CHODL: variants seen among roughly 807,000 people sequenced by gnomAD.
CHODL encodes the protein transmembrane protein MT75.
Under a neutral mutation model 34.5 loss-of-function variants are expected in CHODL, and 29 were observed. The ratio of observed to expected loss-of-function variants is 0.84; its 90% CI spans 0.63 to 1.15. CHODL has a LOEUF of 1.15. CHODL is among the 50% of genes most tolerant of loss of function. The probability of loss-of-function intolerance (pLI) is 0.00; values close to 1 mark genes in which losing one functional copy is unlikely to be tolerated. For synonymous variants in CHODL, 125 were observed against 116.1 expected, an observed-to-expected ratio of 1.08 and a Z score of -0.49; for missense variants, 332 against 332.5, an observed-to-expected ratio of 1.00 and a Z score of 0.01.
At chr21:17,964,116 C>G (rs1165400949) in intron 1 of CHODL, among the ~76,000 whole-genome samples, 1 of 152,082 alleles carries the variant, frequency 6.6e-6, no homozygotes, top group African/African-American at 2.4e-5. Flanking sequence ...AACATTCATG[C>G]TTTGAAATTT....
chr21:18,195,647 ATC>A (rs1487432117), intron 2 of CHODL, among the ~76,000 whole-genome samples: 1 of 152,140 alleles, frequency 6.6e-6, no homozygotes, highest in East Asian at 1.9e-4. Context: ...TCTGTATTAT[ATC>A]TGTTTCAATT....
At chr21:18,044,146 G>A (rs1054363032) in intron 2 of CHODL, among the ~76,000 whole-genome samples, 1 of 151,950 alleles carries the variant, frequency 6.6e-6, no homozygotes, top group Non-Finnish European at 1.5e-5. Flanking sequence ...AAATGTGCAC[G>A]TAATCAAGAA....
At chr21:18,235,471 A>T (rs961365017) in intron 2 of CHODL, among the ~76,000 whole-genome samples, 1 of 152,098 alleles carries the variant, frequency 6.6e-6, no homozygotes, top group Non-Finnish European at 1.5e-5. Context: ...GCTGGAGGAG[A>T]CTAAACCTAA....
At chr21:18,145,299 C>T (rs6517797) in intron 2 of CHODL, among the ~76,000 whole-genome samples, 147,936 of 148,040 alleles carry the variant, frequency 1, 73,916 homozygotes, top group Middle Eastern at 1. Flanking sequence ...TAGCCGGGCG[C>T]GGTGGCGGGC....
intron 2 of CHODL, among the ~76,000 whole-genome samples, chr21:18,028,277 C>T (rs1363291963): frequency 1.4e-4 from 14 of 98,998 alleles, no homozygotes; most frequent in South Asian, 8.6e-4. Context: ...TTTCCTTTTC[C>T]CCTTCCTTCC....
intron 2 of CHODL, among the ~76,000 whole-genome samples, chr21:18,087,670 G>T (rs2065024012): frequency 6.6e-6 from 1 of 152,134 alleles, no homozygotes; most frequent in South Asian, 2.1e-4. Flanking sequence ...GACACCTCGA[G>T]GGGCAGGGAT....
chr21:18,056,258 G>A (rs1026174212), intron 2 of CHODL, among the ~76,000 whole-genome samples: 5 of 151,752 alleles, frequency 3.3e-5, no homozygotes, highest in Non-Finnish European at 4.4e-5. Context: ...TTGTGTTGCT[G>A]TTTATCAAGT....
intron 2 of CHODL, among the ~76,000 whole-genome samples, chr21:18,072,841 G>A (rs1415465730): frequency 6.6e-6 from 1 of 151,830 alleles, no homozygotes; most frequent in East Asian, 1.9e-4. Flanking sequence ...CTATAAAAAA[G>A]TTTTCTTTTT....
intron 2 of CHODL, among the ~76,000 whole-genome samples, chr21:18,174,724 C>T (rs1159074448): frequency 6.6e-6 from 1 of 152,092 alleles, no homozygotes; most frequent in East Asian, 1.9e-4. Context: ...CCTGGCAGAG[C>T]TTGTTTGTCA....
At chr21:17,963,718 A>G (rs1030711899) in intron 1 of CHODL, among the ~76,000 whole-genome samples, 2 of 152,268 alleles carry the variant, frequency 1.3e-5, no homozygotes, top group African/African-American at 4.8e-5. Context: ...TTCTGACAAG[A>G]AAACAACCTT....
chr21:17,962,521 G>A (rs1331804000), intron 1 of CHODL, among the ~76,000 whole-genome samples: 1 of 152,130 alleles, frequency 6.6e-6, no homozygotes, highest in African/African-American at 2.4e-5. Context: ...ATGTGTCTGT[G>A]CTGTCTGGGG....
chr21:17,971,964 C>T (rs987767068), intron 1 of CHODL, among the ~76,000 whole-genome samples: 32 of 152,306 alleles, frequency 2.1e-4, no homozygotes, highest in African/African-American at 6.5e-4. Flanking sequence ...TTATCTACCA[C>T]GAACAAGTCG....
chr21:17,958,136 T>A (rs982855832), intron 1 of CHODL, among the ~76,000 whole-genome samples: 2 of 152,182 alleles, frequency 1.3e-5, no homozygotes, highest in Non-Finnish European at 2.9e-5. Flanking sequence ...GTTTCCTTGG[T>A]CAAGATGAAG....
chr21:18,244,524 C>A (rs546627802), upstream of CHODL, among the ~76,000 whole-genome samples: 20 of 152,302 alleles, frequency 1.3e-4, no homozygotes, highest in South Asian at 4.1e-3. Context: ...AACTTGGCAA[C>A]CCCGTAGACA....
chr21:18,200,765 A>G (rs536523498), intron 2 of CHODL, among the ~76,000 whole-genome samples: 1 of 152,300 alleles, frequency 6.6e-6, no homozygotes, highest in South Asian at 2.1e-4. Flanking sequence ...TTAATTAGTT[A>G]AGCATCTTGA....
chr21:17,926,360 CAAAT>C (rs2063222141), intron 1 of CHODL, among the ~76,000 whole-genome samples: 1 of 141,168 alleles, frequency 7.1e-6, no homozygotes. Flanking sequence ...CTGAGGGTAA[CAAAT>C]AAATAAGGTG....
intron 2 of CHODL, among the ~76,000 whole-genome samples, chr21:18,203,170 A>G (rs2073674132): frequency 6.6e-6 from 1 of 152,184 alleles, no homozygotes; most frequent in Non-Finnish European, 1.5e-5. Flanking sequence ...GTTTTGCTTA[A>G]ATCTGAGACG....
At chr21:17,975,692 C>A (rs983740202) in intron 1 of CHODL, among the ~76,000 whole-genome samples, 9 of 152,086 alleles carry the variant, frequency 5.9e-5, no homozygotes, top group Non-Finnish European at 1.0e-4. Context: ...CTGGAAAACT[C>A]CCCTTCCTTC....
chr21:18,014,814 T>TA (rs1332997866), intron 1 of CHODL, among the ~76,000 whole-genome samples: 2 of 152,236 alleles, frequency 1.3e-5, no homozygotes, highest in Admixed American at 6.5e-5. Flanking sequence ...CCTGTAGAAC[T>TA]ATGTGCCAAT....
Sources: allele counts gnomAD v4.1 joint callset (sites outside exome capture counted in the v4.1 genomes callset), GRCh38; gene constraint gnomAD v4.1.1; transcripts MANE v1.5; gene names NCBI Gene and HGNC (gene_info 2026-07-23, HGNC 2026-07-21).